NUDCD1: variants seen among roughly 807,000 people sequenced by gnomAD.
NUDCD1 encodes the protein nudC domain-containing protein 1.
In NUDCD1, 60 loss-of-function variants were observed where a neutral mutation model predicts 67.8. The observed-to-expected ratio is 0.88, with a 90% CI of 0.72 to 1.10. The LOEUF (loss-of-function observed/expected upper bound fraction) is 1.10. NUDCD1 is among the 50% of genes least tolerant of loss of function. NUDCD1 has a pLI of 0.00. For synonymous variants in NUDCD1, 244 were observed against 230.8 expected (o/e 1.06, Z -0.52); for missense variants, 643 against 695.0 (o/e 0.93, Z 0.84).
intron 8 of NUDCD1, among the ~76,000 whole-genome samples, chr8:109,253,317 A>G (rs1045839672): frequency 3.9e-5 from 6 of 152,224 alleles, no homozygotes; most frequent in Admixed American, 2.0e-4. Flanking sequence ...GGAGTGATCA[A>G]TAAGTAGAAG....
intron 8 of NUDCD1, among the ~76,000 whole-genome samples, chr8:109,265,934 CCT>C (rs1473117091): frequency 6.6e-5 from 10 of 152,000 alleles, no homozygotes; most frequent in African/African-American, 2.4e-4. Flanking sequence ...ATTGGGGACC[CCT>C]GTCTTAAGCA....
intron 3 of NUDCD1, among the ~76,000 whole-genome samples, chr8:109,293,745 A>C (rs564310832): frequency 6.6e-6 from 1 of 152,150 alleles, no homozygotes; most frequent in Admixed American, 6.6e-5. Context: ...ATAAGAAAAA[A>C]ACTGATCATT....
Position 109,271,141 on chromosome 8 carries a change from A to AT in NUDCD1, c.1174-12_1174-11insA. On this transcript the variant is annotated splice_polypyrimidine_tract_variant and intron_variant, in intron 7 of 9. Coordinates refer to ENST00000239690, the MANE Select transcript of NUDCD1 (RefSeq NM_032869.4). ...ATCTGGATTTGGATTCTTAGTCCAG[A>AT]AAATAAAATAAGTAAATAAGTAAAA... 1 of 1,510,594 alleles carries AT rather than the reference A, an allele frequency of 6.6e-7. No individual in the cohort carries two copies. Among genetic ancestry groups the AT allele is most frequent in the Non-Finnish European group, 9.0e-7 (1 of 1,110,892 alleles). The allele number at this position is 1,510,594 out of a possible 1,614,324, so 93.6% of individuals were successfully genotyped here.
chr8:109,298,304 CAATT>C (rs1472981382), intron 2 of NUDCD1, among the ~76,000 whole-genome samples: 1 of 152,110 alleles, frequency 6.6e-6, no homozygotes, highest in Non-Finnish European at 1.5e-5. Flanking sequence ...CAGAGACTAT[CAATT>C]AACCCATTTG....
intron 3 of NUDCD1, 104 bp downstream of exon 3, chr8:109,296,280 C>G (rs1814839357): frequency 5.7e-6 from 5 of 869,762 alleles, no homozygotes; most frequent in Admixed American, 2.3e-5. Context: ...AAACAAACAA[C>G]AGATCACATG....
intron 2 of NUDCD1, among the ~76,000 whole-genome samples, chr8:109,312,683 A>G (rs957275921): frequency 1.3e-5 from 2 of 152,236 alleles, no homozygotes; most frequent in Admixed American, 6.5e-5. Flanking sequence ...TAAAGTAGGT[A>G]AAGATGAAAG....
At chr8:109,321,779 T>A (rs981958882) in intron 2 of NUDCD1, among the ~76,000 whole-genome samples, 1 of 152,024 alleles carries the variant, frequency 6.6e-6, no homozygotes, top group African/African-American at 2.4e-5. Flanking sequence ...AGAAAAAGCA[T>A]ATAAGAAGAA....
At chr8:109,321,512 CA>C (rs1815536109) in intron 2 of NUDCD1, among the ~76,000 whole-genome samples, 2 of 150,508 alleles carry the variant, frequency 1.3e-5, no homozygotes, top group East Asian at 1.9e-4. Flanking sequence ...GTTCTAAGGA[CA>C]TTTTTTTTAA....
rs576243846 is a variant in NUDCD1 at position 109,305,734 on chromosome 8, C to G, written c.274-9165G>C. ...TAATCTTATTAAGAATCTGACCCCT[C>G]AAATTCTACAACCTTGGTGGACTGG... On this transcript the variant is annotated intron_variant, in intron 2 of 9. Coordinates refer to ENST00000239690, the MANE Select transcript of NUDCD1 (RefSeq NM_032869.4). Among the ~76,000 whole-genome samples, 169 of 152,226 alleles carry G rather than the reference C, an allele frequency of 1.1e-3. 1 individual carries two copies. Among genetic ancestry groups the G allele is most frequent in the African/African-American group, 4.0e-3 (165 of 41,538 alleles).
chr8:109,304,850 C>T (rs980709906), intron 2 of NUDCD1, among the ~76,000 whole-genome samples: 6 of 152,146 alleles, frequency 3.9e-5, no homozygotes, highest in African/African-American at 1.4e-4. Context: ...TTCTCCTCCT[C>T]GTTGGTCACT....
chr8:109,309,180 T>G (rs2980633), intron 2 of NUDCD1, among the ~76,000 whole-genome samples: 2 of 151,362 alleles, frequency 1.3e-5, no homozygotes, highest in Non-Finnish European at 2.9e-5. Context: ...CAGAGAGATA[T>G]CCTTGATGAA....
intron 5 of NUDCD1, 49 bp downstream of exon 5, chr8:109,289,702 A>G: frequency 2.1e-6 from 2 of 959,942 alleles, no homozygotes; most frequent in Non-Finnish European, 3.2e-6. Flanking sequence ...AAAGACATAA[A>G]TATATGTTTA....
Position 109,322,204 on chromosome 8 carries a change from G to A in NUDCD1, c.273+105C>T, listed in dbSNP as rs1355892718. On this transcript the variant is annotated intron_variant, in intron 2 of 9. Transcript: ENST00000239690. ...ATAGGATTCCATATACTACAGGTAT[G>A]TGCACCTCACTTCTCTGGATATTAG... 3 of 559,128 alleles carry A rather than the reference G, an allele frequency of 5.4e-6. No individual in the cohort carries two copies. The East Asian group carries it at 8.5e-5, about 16-fold the overall frequency. 34.6% of individuals were successfully genotyped at this position (559,128 alleles called of 1,614,324 possible).
intron 8 of NUDCD1, among the ~76,000 whole-genome samples, chr8:109,270,072 GGGGGGGGGGGTGCCTTAA>G: frequency 1.3e-5 from 1 of 75,976 alleles, no homozygotes; most frequent in Non-Finnish European, 2.7e-5. Flanking sequence ...GGGGGCGGGG[GGGGGGGGGGGTGCCTTAA>G]GGTGGGGTGT....
At chr8:109,255,678 G>GAAAAAAA (rs34690940) in intron 8 of NUDCD1, among the ~76,000 whole-genome samples, 6 of 92,448 alleles carry the variant, frequency 6.5e-5, no homozygotes, top group African/African-American at 7.4e-5. Flanking sequence ...GTTCCACACA[G>GAAAAAAA]AAAAAAAAAA....
At chr8:109,255,196 T>C (rs901255758) in intron 8 of NUDCD1, among the ~76,000 whole-genome samples, 1 of 152,202 alleles carries the variant, frequency 6.6e-6, no homozygotes, top group African/African-American at 2.4e-5. Flanking sequence ...TAGACACTAG[T>C]TCAGATACAG....
chr8:109,270,945 C>A (rs942787574), intron 8 of NUDCD1, 60 bp downstream of exon 8: 41 of 1,103,338 alleles, frequency 3.7e-5, no homozygotes, highest in Non-Finnish European at 5.0e-5. Context: ...CATATTTAGA[C>A]CAATCATTAT....
intron 6 of NUDCD1, among the ~76,000 whole-genome samples, chr8:109,279,372 T>C (rs1179531027): frequency 6.6e-6 from 1 of 152,208 alleles, no homozygotes; most frequent in African/African-American, 2.4e-5. Flanking sequence ...TACCTTTTGA[T>C]GTGCTTACTA....
chr8:109,276,788 T>C (rs1814299611), intron 6 of NUDCD1, among the ~76,000 whole-genome samples: 2 of 152,110 alleles, frequency 1.3e-5, no homozygotes, highest in South Asian at 4.2e-4. Flanking sequence ...CCCAAGTAAG[T>C]AGCTGGGATT....
Sources: allele counts gnomAD v4.1 joint callset (sites outside exome capture counted in the v4.1 genomes callset), GRCh38; gene constraint gnomAD v4.1.1; transcripts MANE v1.5; gene names NCBI Gene and HGNC (gene_info 2026-07-23, HGNC 2026-07-21).